The following SIPA1L2 variants were observed in gnomAD, a reference collection of about 807,000 sequenced individuals.
The protein encoded by SIPA1L2 is signal-induced proliferation-associated 1-like protein 2.
SIPA1L2 carries 56 observed loss-of-function variants against 163.9 expected under a neutral mutation model. That is an observed-to-expected ratio of 0.34 (90% CI 0.28 to 0.43). The LOEUF is 0.43. Among genes scored for constraint, SIPA1L2 ranks in the 20% least tolerant of loss-of-function variants. The probability of loss-of-function intolerance (pLI) is 1.00; values close to 1 mark genes in which losing one functional copy is unlikely to be tolerated. For missense variants in SIPA1L2, 1,974 were observed against 2,193.5 expected (o/e 0.90, Z 2.00); for synonymous variants, 877 against 865.7 (o/e 1.01, Z -0.23).
intron 2 of SIPA1L2, among the ~76,000 whole-genome samples, chr1:232,554,527 T>C (rs549508586): frequency 6.6e-6 from 1 of 152,360 alleles, no homozygotes; most frequent in South Asian, 2.1e-4. Context: ...CCTTTAGTCT[T>C]TCTCAGGATA....
At position 232,441,772 on chromosome 1, in the gene SIPA1L2, G is replaced by A; in HGVS notation, c.3534C>T (p.His1178=). 6.2e-7 allele frequency: 1 copy of A among 1,613,674 alleles called. No homozygotes were observed. Among genetic ancestry groups the A allele is most frequent in the Non-Finnish European group, 8.5e-7 (1 of 1,179,774 alleles). The change falls in exon 13 of 23, where the codon CAC becomes CAT. Residue 1178 remains histidine, a synonymous_variant. Transcript: ENST00000674635. ...EREDTMEASR[H]PETKWHGPPS... is the part of the protein sequence containing the mutation. Reference sequence around the variant, plus strand: ...TTTCCAGGAGTTCCTTATTACCCGGGTGCCTGCTTGCTTCCATGGTGTCTT... The same window carrying A: ...TTTCCAGGAGTTCCTTATTACCCGGATGCCTGCTTGCTTCCATGGTGTCTT...
At chr1:232,421,967 A>G (rs1661602863) in intron 18 of SIPA1L2, among the ~76,000 whole-genome samples, 1 of 152,216 alleles carries the variant, frequency 6.6e-6, no homozygotes, top group Non-Finnish European at 1.5e-5. Context: ...ATTATCTTTA[A>G]GCCTGTGAGC....
intron 1 of SIPA1L2, among the ~76,000 whole-genome samples, chr1:232,629,594 G>C (rs1270981884): frequency 1.3e-5 from 2 of 152,190 alleles, no homozygotes; most frequent in Non-Finnish European, 2.9e-5. Context: ...TCGCCGAGAC[G>C]GGAATAACCT....
rs886871263 is a variant in SIPA1L2, at chr1:232,398,784, T to A, written c.*343A>T. 1 of 207,718 alleles carries A rather than the reference T, an allele frequency of 4.8e-6. No homozygotes were observed. The highest frequency in any genetic ancestry group is 9.7e-6 in the Non-Finnish European group (1 of 102,744). The allele number at this position is 207,718 out of a possible 1,614,324, so 12.9% of individuals were successfully genotyped here. On this transcript the variant is annotated 3_prime_UTR_variant, in exon 23 of 23. Transcript: ENST00000674635. ...TTTACATCTCTACCAGGTCACCTGATATACAGGAAATAAAACTCAACTATC... is the reference window on the plus strand; with the variant it reads ...TTTACATCTCTACCAGGTCACCTGAAATACAGGAAATAAAACTCAACTATC...
At chr1:232,580,585 G>T (rs931010308) in intron 1 of SIPA1L2, among the ~76,000 whole-genome samples, 9 of 152,200 alleles carry the variant, frequency 5.9e-5, no homozygotes, top group African/African-American at 2.2e-4. Flanking sequence ...ATGGGAAGGG[G>T]AGGAGTCCTG....
chr1:232,432,833 T>C (rs1050762024), intron 15 of SIPA1L2, among the ~76,000 whole-genome samples: 1 of 152,124 alleles, frequency 6.6e-6, no homozygotes, highest in Non-Finnish European at 1.5e-5. Context: ...TCCAGGGAAA[T>C]GCCAATGCAA....
chr1:232,450,891 T>C (rs1424613317), intron 10 of SIPA1L2, among the ~76,000 whole-genome samples: 1 of 152,180 alleles, frequency 6.6e-6, no homozygotes, highest in Non-Finnish European at 1.5e-5. Context: ...GTGCAATCCA[T>C]TAAGTTGAAG....
In SIPA1L2 at chr1:232,476,363, G is replaced by A. The variant is rs528254846; in HGVS notation, c.2085+3264C>T. Among the ~76,000 whole-genome samples, 3 of 152,252 alleles carry A rather than the reference G, an allele frequency of 2.0e-5. No individual in the cohort carries two copies. In the South Asian group the frequency reaches 6.2e-4, roughly 32 times the overall value. On this transcript the variant is annotated intron_variant, in intron 7 of 22. Transcript: ENST00000674635. ...TCAGGTACCCCTTCCCAACACAGCA[G>A]CTAAAATGTTACGCATACATTAAAA...
At chr1:232,612,618 A>G (rs947681815) in intron 1 of SIPA1L2, among the ~76,000 whole-genome samples, 1 of 152,220 alleles carries the variant, frequency 6.6e-6, no homozygotes, top group Non-Finnish European at 1.5e-5. Flanking sequence ...TGTTTTGGTC[A>G]GTTTCTCCCA....
intron 2 of SIPA1L2, among the ~76,000 whole-genome samples, chr1:232,528,732 CAT>C (rs1177984144): frequency 1.3e-5 from 2 of 152,194 alleles, no homozygotes; most frequent in East Asian, 3.8e-4. Context: ...GCTAGTTACC[CAT>C]ATAACCCAAG....
At chr1:232,600,384 T>G (rs1661529846) in intron 1 of SIPA1L2, among the ~76,000 whole-genome samples, 1 of 152,254 alleles carries the variant, frequency 6.6e-6, no homozygotes, top group African/African-American at 2.4e-5. Context: ...CCTTTTATTT[T>G]TCATCAGGTA....
At chr1:232,605,202 C>T (rs1573162482) in intron 1 of SIPA1L2, among the ~76,000 whole-genome samples, 1 of 152,028 alleles carries the variant, frequency 6.6e-6, no homozygotes, top group South Asian at 2.1e-4. Flanking sequence ...TTTGTACAGA[C>T]GGGGTTTCTC....
chr1:232,531,746 G>C (rs1656958987), intron 2 of SIPA1L2, among the ~76,000 whole-genome samples: 1 of 152,150 alleles, frequency 6.6e-6, no homozygotes, highest in South Asian at 2.1e-4. Flanking sequence ...TGCTATCATG[G>C]GACAGGATCA....
At chr1:232,468,531 C>T (rs1383001143) in intron 8 of SIPA1L2, among the ~76,000 whole-genome samples, 1 of 152,158 alleles carries the variant, frequency 6.6e-6, no homozygotes, top group African/African-American at 2.4e-5. Flanking sequence ...TAGTATCATA[C>T]CCAAAAGCCC....
chr1:232,593,376 G>A (rs933444178), intron 1 of SIPA1L2, among the ~76,000 whole-genome samples: 2 of 152,158 alleles, frequency 1.3e-5, no homozygotes, highest in African/African-American at 4.8e-5. Context: ...CGCACGGGCT[G>A]TGTGCTTTCA....
chr1:232,509,992 T>C (rs7552486), intron 3 of SIPA1L2, among the ~76,000 whole-genome samples: 139,647 of 152,142 alleles, frequency 0.92, 64,800 homozygotes, highest in African/African-American at 0.99. Context: ...GAAGACAAAG[T>C]GACCTCACGG....
chr1:232,507,251 G>C (rs10442599), intron 3 of SIPA1L2, among the ~76,000 whole-genome samples: 3 of 151,656 alleles, frequency 2.0e-5, no homozygotes, highest in Non-Finnish European at 4.4e-5. Flanking sequence ...GGATTTTGCA[G>C]AATGTCCTTC....
intron 2 of SIPA1L2, among the ~76,000 whole-genome samples, chr1:232,531,022 C>T (rs1294617635): frequency 6.6e-6 from 1 of 152,166 alleles, no homozygotes; most frequent in African/African-American, 2.4e-5. Flanking sequence ...GTAACAGTAG[C>T]CTGGGTTTGC....
Position 232,445,539 on chromosome 1 carries a change from C to T in SIPA1L2, c.3343G>A (p.Asp1115Asn), listed in dbSNP as rs566304161. The T allele has an allele frequency of 2.7e-5, 43 of 1,613,794 alleles. 1 individual carries two copies. In the East Asian group the frequency reaches 5.1e-4, roughly 19 times the overall value. The change falls in exon 11 of 23, where the codon GAT becomes AAT. Residue 1115 changes from aspartate to asparagine, a missense_variant. By Grantham distance (23) the Asp-to-Asn change is conservative. Coordinates refer to ENST00000674635, the MANE Select transcript of SIPA1L2 (RefSeq NM_020808.5). The stretch of plus-strand genomic sequence containing the variant: ...CGGAACCAGCATTACCTCGTGCCAT[C>T]GGGCAGCTTCCGGTCGAAGGAGGTG... ...RSTSFDRKLP[D>N]GTRSSPSNQS...
Sources: gnomAD v4.1 joint callset for allele counts (sites outside exome capture counted in the v4.1 genomes callset) on GRCh38, gnomAD v4.1.1 for gene constraint, MANE v1.5 for transcripts, NCBI Gene and HGNC (gene_info 2026-07-23, HGNC 2026-07-21) for gene names.